The following ATRNL1 variants were observed in gnomAD, a reference collection of about 807,000 sequenced individuals.
ATRNL1 encodes attractin-like protein 1.
In ATRNL1, 95 loss-of-function variants were observed where a neutral mutation model predicts 182.7. That is an observed-to-expected ratio of 0.52 (90% CI 0.44 to 0.62). The LOEUF is 0.62. Ranked by LOEUF, ATRNL1 falls within the 20% of genes least tolerant of loss-of-function variation. The probability of loss-of-function intolerance (pLI) is 0.00; values close to 1 mark genes in which losing one functional copy is unlikely to be tolerated. For synonymous variants in ATRNL1, 576 were observed against 568.3 expected, an observed-to-expected ratio of 1.01 and a Z score of -0.19; for missense variants, 1,471 against 1,679.5, an observed-to-expected ratio of 0.88 and a Z score of 2.17.
At chr10:115,506,890 G>A (rs1850142237) in intron 24 of ATRNL1, among the ~76,000 whole-genome samples, 1 of 152,040 alleles carries the variant, frequency 6.6e-6, no homozygotes, top group African/African-American at 2.4e-5. Flanking sequence ...TCTGAGACAG[G>A]TCTCAGTTAA....
intron 28 of ATRNL1, chr10:115,909,348 C>A (rs1438858245): frequency 2.0e-5 from 3 of 152,178 alleles, no homozygotes; most frequent in Non-Finnish European, 4.4e-5. Flanking sequence ...CTTCAGACTG[C>A]GCTCAGGAAT....
intron 27 of ATRNL1, among the ~76,000 whole-genome samples, chr10:115,815,391 T>C (rs1555088242): frequency 6.7e-6 from 1 of 149,916 alleles, no homozygotes; most frequent in African/African-American, 2.5e-5. Context: ...GATCAACACA[T>C]CCACTGGTAT....
At chr10:115,907,350 A>G (rs1184729148) in intron 28 of ATRNL1, among the ~76,000 whole-genome samples, 1 of 152,224 alleles carries the variant, frequency 6.6e-6, no homozygotes, top group African/African-American at 2.4e-5. Flanking sequence ...GTATGTGCTC[A>G]TTCATACAGT....
chr10:115,207,099 T>C (rs1554893968), intron 8 of ATRNL1, among the ~76,000 whole-genome samples: 1 of 152,178 alleles, frequency 6.6e-6, no homozygotes, highest in African/African-American at 2.4e-5. Context: ...TGATGGACAT[T>C]TGGGTTTGTT....
intron 25 of ATRNL1, among the ~76,000 whole-genome samples, chr10:115,520,994 A>G (rs1023530643): frequency 9.2e-5 from 14 of 152,254 alleles, no homozygotes; most frequent in African/African-American, 3.4e-4. Flanking sequence ...ATTTGAGGAA[A>G]CATCTTAAAT....
chr10:115,108,154 CATA>C (rs1425679555), intron 1 of ATRNL1, among the ~76,000 whole-genome samples: 2 of 152,148 alleles, frequency 1.3e-5, no homozygotes, highest in East Asian at 1.9e-4. Context: ...CTTCCCTTTT[CATA>C]ATATGTTTTG....
At chr10:115,430,417 T>A (rs1846102562) in intron 21 of ATRNL1, among the ~76,000 whole-genome samples, 1 of 152,132 alleles carries the variant, frequency 6.6e-6, no homozygotes, top group Admixed American at 6.5e-5. Context: ...TATTTTAAAA[T>A]TATCATTTTT....
intron 20 of ATRNL1, among the ~76,000 whole-genome samples, chr10:115,414,865 G>T (rs1273764149): frequency 6.6e-6 from 1 of 151,546 alleles, no homozygotes; most frequent in African/African-American, 2.4e-5. Flanking sequence ...TCATAAAAAT[G>T]TTCATTTTTT....
chr10:115,860,498 G>A (rs1951289184), intron 28 of ATRNL1, among the ~76,000 whole-genome samples: 1 of 152,028 alleles, frequency 6.6e-6, no homozygotes, highest in Non-Finnish European at 1.5e-5. Flanking sequence ...GGAAGCTGTT[G>A]TCCATATTAA....
chr10:115,448,846 C>G (rs935213379), intron 21 of ATRNL1, among the ~76,000 whole-genome samples: 6 of 148,118 alleles, frequency 4.1e-5, no homozygotes, highest in Admixed American at 4.0e-4. Flanking sequence ...AATGTAATAG[C>G]GTGCCAACCA....
chr10:115,184,547 G>C (rs1369033449), intron 8 of ATRNL1, among the ~76,000 whole-genome samples: 1 of 151,492 alleles, frequency 6.6e-6, no homozygotes, highest in Non-Finnish European at 1.5e-5. Flanking sequence ...ATGAACACAG[G>C]AAAGATAAAC....
intron 26 of ATRNL1, among the ~76,000 whole-genome samples, chr10:115,705,332 T>G (rs935217247): frequency 6.6e-6 from 1 of 151,928 alleles, no homozygotes; most frequent in Non-Finnish European, 1.5e-5. Flanking sequence ...CTAGAAATTT[T>G]CTTCACTTCC....
chr10:115,756,561 C>T (rs1200735407), intron 27 of ATRNL1, among the ~76,000 whole-genome samples: 23 of 151,910 alleles, frequency 1.5e-4, no homozygotes, highest in Non-Finnish European at 4.4e-5. Context: ...TTGCATCTGC[C>T]GAGGAGTGTT....
At chr10:115,701,181 T>C (rs1010001229) in intron 26 of ATRNL1, among the ~76,000 whole-genome samples, 1 of 151,952 alleles carries the variant, frequency 6.6e-6, no homozygotes, top group Admixed American at 6.6e-5. Context: ...TACATGGAAA[T>C]TTAAAAACCT....
chr10:115,400,717 T>G (rs75511711), intron 20 of ATRNL1, among the ~76,000 whole-genome samples: 3,910 of 152,202 alleles, frequency 0.026, 165 homozygotes, highest in African/African-American at 0.086. Flanking sequence ...GCCTTTTTGA[T>G]TTTTGTGAAT....
chr10:115,117,749 A>C (rs1257115954), intron 1 of ATRNL1, among the ~76,000 whole-genome samples: 1 of 151,932 alleles, frequency 6.6e-6, no homozygotes, highest in Non-Finnish European at 1.5e-5. Context: ...ATGGTAGCTA[A>C]ATTTTTACTT....
At chr10:115,278,034 G>A (rs1425003677) in intron 13 of ATRNL1, among the ~76,000 whole-genome samples, 3 of 152,076 alleles carry the variant, frequency 2.0e-5, no homozygotes, top group Non-Finnish European at 4.4e-5. Flanking sequence ...ATTGTATTGG[G>A]TTTTGATAAA....
chr10:115,545,998 A>G (rs1852630763), intron 25 of ATRNL1, among the ~76,000 whole-genome samples: 2 of 152,222 alleles, frequency 1.3e-5, no homozygotes, highest in African/African-American at 4.8e-5. Context: ...AAATGAACAC[A>G]TGACAGTATG....
At chr10:115,110,093 AT>A (rs1214113901) in intron 1 of ATRNL1, among the ~76,000 whole-genome samples, 1 of 152,202 alleles carries the variant, frequency 6.6e-6, no homozygotes, top group Non-Finnish European at 1.5e-5. Flanking sequence ...TTATATCAGT[AT>A]TTTACCATCC....
Sources: allele counts gnomAD v4.1 joint callset (sites outside exome capture counted in the v4.1 genomes callset), GRCh38; gene constraint gnomAD v4.1.1; transcripts MANE v1.5; gene names NCBI Gene and HGNC (gene_info 2026-07-23, HGNC 2026-07-21).